The following NELL2 variants were observed in gnomAD, a reference collection of about 807,000 sequenced individuals.
NELL2 encodes the protein neural EGFL like 2, also known as protein kinase C-binding protein NELL2.
A neutral mutation model predicts 109.6 loss-of-function variants in NELL2; 41 were observed. That is an observed-to-expected ratio of 0.37 (90% CI 0.29 to 0.49). The LOEUF is 0.49. Ranked by LOEUF, NELL2 falls within the 20% of genes least tolerant of loss-of-function variation. The pLI, the probability that NELL2 is intolerant of heterozygous loss-of-function variation, is 0.98. For missense variants in NELL2, 900 were observed against 1,008.3 expected (o/e 0.89, Z 1.45); for synonymous variants, 355 against 344.7 (o/e 1.03, Z -0.33).
At chr12:44,608,542 G>A (rs989984583) in intron 14 of NELL2, among the ~76,000 whole-genome samples, 7 of 151,746 alleles carry the variant, frequency 4.6e-5, no homozygotes, top group East Asian at 3.9e-4. Context: ...GTCTTTATTC[G>A]GGCAACCTGT....
intron 2 of NELL2, among the ~76,000 whole-genome samples, chr12:44,843,944 C>T (rs1944299513): frequency 6.6e-6 from 1 of 152,136 alleles, no homozygotes; most frequent in Admixed American, 6.5e-5. Context: ...ACCACTTGAG[C>T]CTGGGAAGCA....
intron 10 of NELL2, among the ~76,000 whole-genome samples, chr12:44,712,673 A>C (rs1938268424): frequency 6.6e-6 from 1 of 151,964 alleles, no homozygotes; most frequent in African/African-American, 2.4e-5. Context: ...ATTTAGTACA[A>C]AAGCTTATGA....
chr12:44,794,312 T>C (rs919455493), intron 3 of NELL2, among the ~76,000 whole-genome samples: 2 of 152,132 alleles, frequency 1.3e-5, no homozygotes, highest in African/African-American at 4.8e-5. Flanking sequence ...TCAGGAAAAG[T>C]AGTAGATGTC....
chr12:44,553,051 T>C (rs1222506609), intron 15 of NELL2, among the ~76,000 whole-genome samples: 2 of 137,024 alleles, frequency 1.5e-5, no homozygotes, highest in East Asian at 2.2e-4. Flanking sequence ...TTCTCACTCA[T>C]AGGTGGGAAT....
At chr12:44,578,068 C>T (rs139376599) in intron 15 of NELL2, among the ~76,000 whole-genome samples, 201 of 152,234 alleles carry the variant, frequency 1.3e-3, no homozygotes, top group African/African-American at 4.6e-3. Flanking sequence ...TAGTACCAAA[C>T]GTTATCCCTT....
Position 44,607,253 on chromosome 12 carries a change from C to A in NELL2, c.1579G>T (p.Asp527Tyr). 6.2e-7 allele frequency: 1 copy of A among 1,611,986 alleles called. No individual in the cohort carries two copies. Among genetic ancestry groups the A allele is most frequent in the Non-Finnish European group, 8.5e-7 (1 of 1,178,922 alleles). The change falls in exon 15 of 20, where the codon GAT becomes TAT. Residue 527 changes from aspartate (D) to tyrosine (Y), a missense_variant. Coordinates refer to ENST00000429094, the MANE Select transcript of NELL2 (RefSeq NM_001145108.2). The part of the protein sequence containing the change: ...NGTTCKAFCK[D>Y]GCRNGGACIA... ...CAGGCTCCTCCATTCCTACAGCCAT[C>A]TTTGCAAAATGCTAAAATAATTCAG...
At chr12:44,840,043 G>A (rs182617015) in intron 2 of NELL2, among the ~76,000 whole-genome samples, 4 of 152,200 alleles carry the variant, frequency 2.6e-5, no homozygotes, top group African/African-American at 7.2e-5. Context: ...CAAACCACTC[G>A]CAAGCCTCCA....
chr12:44,904,071 T>A (rs1945693374), intron 1 of NELL2, among the ~76,000 whole-genome samples: 1 of 151,782 alleles, frequency 6.6e-6, no homozygotes, highest in Admixed American at 6.6e-5. Context: ...TTAAAAAAAC[T>A]TAGAATCTTT....
chr12:44,637,495 T>C (rs1175160067), intron 13 of NELL2, among the ~76,000 whole-genome samples: 3 of 135,456 alleles, frequency 2.2e-5, no homozygotes, highest in Admixed American at 8.8e-5. Context: ...AAAGAAAAAG[T>C]GTGGGGTATT....
At chr12:44,797,374 C>T (rs1331798471) in intron 3 of NELL2, among the ~76,000 whole-genome samples, 1 of 152,016 alleles carries the variant, frequency 6.6e-6, no homozygotes, top group Non-Finnish European at 1.5e-5. Flanking sequence ...ATATAGTCTG[C>T]TTTAATGATC....
chr12:44,903,719 C>T (rs775488021), intron 1 of NELL2, among the ~76,000 whole-genome samples: 10 of 152,070 alleles, frequency 6.6e-5, no homozygotes, highest in East Asian at 1.9e-4. Flanking sequence ...TAAAAAAGAA[C>T]GAGTTCATGT....
intron 5 of NELL2, 30 bp downstream of exon 5, chr12:44,779,633 T>C: frequency 6.5e-7 from 1 of 1,546,278 alleles, no homozygotes; most frequent in Non-Finnish European, 8.9e-7. Flanking sequence ...AGCATTTACA[T>C]TTCATTCTCA....
chr12:44,787,901 T>C (rs1016292876), intron 3 of NELL2, among the ~76,000 whole-genome samples: 1 of 152,136 alleles, frequency 6.6e-6, no homozygotes, highest in Non-Finnish European at 1.5e-5. Context: ...GTCTACACAA[T>C]GAGTTCTTAG....
At chr12:44,602,275 G>A (rs1330994564) in intron 15 of NELL2, among the ~76,000 whole-genome samples, 2 of 150,548 alleles carry the variant, frequency 1.3e-5, no homozygotes, top group African/African-American at 2.4e-5. Context: ...AGATCCCTTA[G>A]GCAGATCAAC....
At chr12:44,731,415 C>T (rs903719128) in intron 9 of NELL2, among the ~76,000 whole-genome samples, 2 of 151,974 alleles carry the variant, frequency 1.3e-5, no homozygotes, top group South Asian at 4.1e-4. Flanking sequence ...TGGTATTTAT[C>T]CCTGGGGTGT....
intron 19 of NELL2, among the ~76,000 whole-genome samples, chr12:44,511,898 A>T (rs12321099): frequency 0.018 from 2,781 of 152,324 alleles, 80 homozygotes; most frequent in African/African-American, 0.064. Flanking sequence ...AACATAAGAC[A>T]AATGCTTCAG....
At chr12:44,758,578 A>G (rs1940991234) in intron 9 of NELL2, among the ~76,000 whole-genome samples, 1 of 152,204 alleles carries the variant, frequency 6.6e-6, no homozygotes, top group Admixed American at 6.5e-5. Context: ...TTACTCAATG[A>G]ATGTTGCAAC....
At chr12:44,633,214 T>G (rs919966765) in intron 13 of NELL2, among the ~76,000 whole-genome samples, 2 of 152,062 alleles carry the variant, frequency 1.3e-5, no homozygotes, top group African/African-American at 4.8e-5. Context: ...ATAAAAGGGA[T>G]TTCCTGTAGG....
intron 5 of NELL2, among the ~76,000 whole-genome samples, chr12:44,778,718 A>G (rs762741478): frequency 1.1e-4 from 17 of 152,280 alleles, no homozygotes; most frequent in Non-Finnish European, 2.4e-4. Context: ...TAAGCAAGTT[A>G]CTTTACCCCT....
Sources: allele counts gnomAD v4.1 joint callset (sites outside exome capture counted in the v4.1 genomes callset), GRCh38; gene constraint gnomAD v4.1.1; transcripts MANE v1.5; gene names NCBI Gene and HGNC (gene_info 2026-07-23, HGNC 2026-07-21).